CLMP: variants seen among roughly 807,000 people sequenced by gnomAD.
CLMP encodes the protein CXADR-like membrane protein.
CLMP carries 27 observed loss-of-function variants against 45.2 expected under a neutral mutation model. That is an observed-to-expected ratio of 0.60 (90% CI 0.44 to 0.82). The LOEUF is 0.82. Ranked by LOEUF, CLMP falls within the 40% of genes least tolerant of loss-of-function variation. The pLI is 0.00. For synonymous variants in CLMP, 167 were observed against 171.4 expected, an observed-to-expected ratio of 0.97 and a Z score of 0.20; for missense variants, 403 against 448.4, an observed-to-expected ratio of 0.90 and a Z score of 0.91.
intron 1 of CLMP, among the ~76,000 whole-genome samples, chr11:123,132,547 C>T (rs568756599): frequency 2.0e-5 from 3 of 152,260 alleles, no homozygotes; most frequent in African/African-American, 7.2e-5. Flanking sequence ...CAACCTCCGC[C>T]TCTTGGGTTC....
At chr11:123,135,947 T>G (rs1218460355) in intron 1 of CLMP, 1 of 554,184 alleles carries the variant, frequency 1.8e-6, no homozygotes, top group Non-Finnish European at 3.6e-6. Context: ...GCAAAAAGCC[T>G]CCCACAAATC....
At chr11:123,082,998 TCTTA>T in intron 5 of CLMP, 83 bp downstream of exon 5, 3 of 1,511,674 alleles carry the variant, frequency 2.0e-6, no homozygotes, top group Non-Finnish European at 2.7e-6. Flanking sequence ...TTAACCTTAC[TCTTA>T]CTTATGATTA....
chr11:123,142,011 G>T (rs1173089917), intron 1 of CLMP, among the ~76,000 whole-genome samples: 1 of 142,738 alleles, frequency 7.0e-6, no homozygotes, highest in African/African-American at 2.7e-5. Context: ...TTTTGACAGG[G>T]TCTCACTTTG....
intron 5 of CLMP, among the ~76,000 whole-genome samples, chr11:123,080,326 CTT>C (rs35892566): frequency 0.023 from 3,128 of 136,158 alleles, 98 homozygotes; most frequent in East Asian, 0.18. Flanking sequence ...TGAAGGTGTA[CTT>C]TTTTTTTTTT....
chr11:123,120,392 T>C (rs1294596540), intron 1 of CLMP, among the ~76,000 whole-genome samples: 1 of 152,150 alleles, frequency 6.6e-6, no homozygotes, highest in East Asian at 1.9e-4. Flanking sequence ...TTCTCTCATG[T>C]TGTTTGGTTG....
At chr11:123,091,554 G>C (rs529922544) in intron 2 of CLMP, among the ~76,000 whole-genome samples, 31 of 152,318 alleles carry the variant, frequency 2.0e-4, no homozygotes, top group Non-Finnish European at 3.7e-4. Flanking sequence ...AGGAATGTGA[G>C]ACTGTCTCCG....
intron 2 of CLMP, among the ~76,000 whole-genome samples, chr11:123,085,938 C>G (rs920235222): frequency 6.6e-6 from 1 of 151,704 alleles, no homozygotes; most frequent in African/African-American, 2.4e-5. Context: ...CACCATGACT[C>G]GCTCATTTTT....
At chr11:123,177,427 G>C (rs1201720346) in intron 1 of CLMP, among the ~76,000 whole-genome samples, 1 of 152,132 alleles carries the variant, frequency 6.6e-6, no homozygotes. Flanking sequence ...CTCAGCTGGA[G>C]GACCAACACG....
intron 2 of CLMP, among the ~76,000 whole-genome samples, chr11:123,088,577 G>C (rs1865891748): frequency 6.6e-6 from 1 of 152,114 alleles, no homozygotes. Flanking sequence ...GCTTTGACAG[G>C]TGGGTGACCT....
At chr11:123,108,262 G>C (rs928396883) in intron 1 of CLMP, among the ~76,000 whole-genome samples, 5 of 152,192 alleles carry the variant, frequency 3.3e-5, no homozygotes, top group Admixed American at 2.6e-4. Context: ...ACTATGAGCT[G>C]CTAAATCCCT....
chr11:123,140,661 G>A (rs1215262498), intron 1 of CLMP, among the ~76,000 whole-genome samples: 1 of 152,100 alleles, frequency 6.6e-6, no homozygotes, highest in African/African-American at 2.4e-5. Flanking sequence ...CTCAACCTCA[G>A]CACTACCGAC....
chr11:123,180,392 C>T (rs1004523971), intron 1 of CLMP, among the ~76,000 whole-genome samples: 1 of 152,048 alleles, frequency 6.6e-6, no homozygotes, highest in Admixed American at 6.5e-5. Flanking sequence ...AGAAACGAAG[C>T]CCCAGAGAGC....
intron 2 of CLMP, among the ~76,000 whole-genome samples, chr11:123,089,708 C>T (rs1463576985): frequency 2.2e-4 from 32 of 144,764 alleles, no homozygotes; most frequent in East Asian, 6.4e-4. Context: ...ACCCAGGAGG[C>T]GGAGCTTGCA....
At chr11:123,089,027 A>T (rs1343028785) in intron 2 of CLMP, among the ~76,000 whole-genome samples, 1 of 152,218 alleles carries the variant, frequency 6.6e-6, no homozygotes, top group African/African-American at 2.4e-5. Flanking sequence ...AAGTAGAGTC[A>T]GGCTGCTTTG....
chr11:123,120,708 T>G (rs1860802402), intron 1 of CLMP, among the ~76,000 whole-genome samples: 1 of 152,200 alleles, frequency 6.6e-6, no homozygotes, highest in Non-Finnish European at 1.5e-5. Flanking sequence ...TCTTGTTTGA[T>G]GGATACAGTG....
intron 2 of CLMP, among the ~76,000 whole-genome samples, chr11:123,092,567 A>T (rs940824591): frequency 8.3e-4 from 127 of 152,176 alleles, no homozygotes; most frequent in East Asian, 3.9e-4. Context: ...AAGTGCTGGG[A>T]TTACAGGCGT....
chr11:123,115,437 T>C (rs1209555683), intron 1 of CLMP, among the ~76,000 whole-genome samples: 3 of 152,182 alleles, frequency 2.0e-5, no homozygotes, highest in Non-Finnish European at 2.9e-5. Flanking sequence ...TTATTTGGAA[T>C]AGATTAAATA....
chr11:123,164,447 G>A (rs944766831), intron 1 of CLMP, among the ~76,000 whole-genome samples: 1 of 152,120 alleles, frequency 6.6e-6, no homozygotes, highest in Admixed American at 6.6e-5. Context: ...GGGATTACAG[G>A]CACGTGCCAC....
At chr11:123,088,119 A>T (rs1354773505) in intron 2 of CLMP, among the ~76,000 whole-genome samples, 2 of 152,064 alleles carry the variant, frequency 1.3e-5, no homozygotes, top group Non-Finnish European at 2.9e-5. Context: ...CACGTTGGTC[A>T]GGCTGGTCTC....
Sources: gnomAD v4.1 joint callset for allele counts (sites outside exome capture counted in the v4.1 genomes callset) on GRCh38, gnomAD v4.1.1 for gene constraint, MANE v1.5 for transcripts, NCBI Gene and HGNC (gene_info 2026-07-23, HGNC 2026-07-21) for gene names.